The following NEO1 variants were observed in gnomAD, a reference collection of about 807,000 sequenced individuals.
The protein encoded by NEO1 is neogenin 1, also known as neogenin.
Under a neutral mutation model 159.7 loss-of-function variants are expected in NEO1, and 63 were observed. The ratio of observed to expected loss-of-function variants is 0.39; its 90% CI spans 0.32 to 0.49. The LOEUF is 0.49. NEO1 is among the 20% of genes least tolerant of loss of function. The pLI, the probability that NEO1 is intolerant of heterozygous loss-of-function variation, is 0.85. For synonymous variants in NEO1, 633 were observed against 662.0 expected, an observed-to-expected ratio of 0.96 and a Z score of 0.67; for missense variants, 1,615 against 1,831.0, an observed-to-expected ratio of 0.88 and a Z score of 2.15.
At chr15:73,232,743 C>A (rs1036457977) in intron 7 of NEO1, among the ~76,000 whole-genome samples, 2 of 152,164 alleles carry the variant, frequency 1.3e-5, no homozygotes, top group African/African-American at 4.8e-5. Context: ...GATACAACCT[C>A]AGGCCAGCAG....
intron 5 of NEO1, among the ~76,000 whole-genome samples, chr15:73,157,101 C>CT (rs2151864414): frequency 6.6e-6 from 1 of 152,286 alleles, no homozygotes; most frequent in East Asian, 1.9e-4. Flanking sequence ...TGGCAGTGTT[C>CT]TGCAACTCAG....
chr15:73,102,046 A>G (rs13329282), intron 1 of NEO1, among the ~76,000 whole-genome samples: 17,784 of 152,092 alleles, frequency 0.12, 1,479 homozygotes, highest in African/African-American at 0.23. Flanking sequence ...GTAACATCTC[A>G]GGCCCCATCC....
chr15:73,293,028 T>A (rs1217114185), intron 25 of NEO1, among the ~76,000 whole-genome samples: 2 of 152,214 alleles, frequency 1.3e-5, no homozygotes, highest in Admixed American at 1.3e-4. Flanking sequence ...AATAGATACT[T>A]GTAATAACTC....
chr15:73,077,110 C>G (rs564298151), intron 1 of NEO1, among the ~76,000 whole-genome samples: 17 of 152,250 alleles, frequency 1.1e-4, no homozygotes, highest in Admixed American at 3.3e-4. Flanking sequence ...GTGACATGAT[C>G]TCAGCTCCCC....
intron 8 of NEO1, among the ~76,000 whole-genome samples, chr15:73,242,874 G>A (rs1389332485): frequency 1.3e-5 from 2 of 152,114 alleles, no homozygotes; most frequent in East Asian, 1.9e-4. Context: ...AGGCGCACTC[G>A]GTGTAACTTC....
intron 1 of NEO1, among the ~76,000 whole-genome samples, chr15:73,087,737 T>G (rs1198014484): frequency 6.6e-6 from 1 of 152,172 alleles, no homozygotes; most frequent in East Asian, 1.9e-4. Flanking sequence ...TTATTAATAT[T>G]TTGGAATTCT....
chr15:73,174,342 A>T (rs887532449), intron 5 of NEO1, among the ~76,000 whole-genome samples: 1 of 152,158 alleles, frequency 6.6e-6, no homozygotes, highest in African/African-American at 2.4e-5. Flanking sequence ...GGGAGGCCTC[A>T]GAGCTGGTGT....
chr15:73,088,081 A>G (rs2069463934), intron 1 of NEO1, among the ~76,000 whole-genome samples: 1 of 152,064 alleles, frequency 6.6e-6, no homozygotes, highest in Non-Finnish European at 1.5e-5. Context: ...TTACTCTAAA[A>G]TAGGTACCTT....
chr15:73,122,259 G>A (rs1341296817), intron 2 of NEO1, among the ~76,000 whole-genome samples: 1 of 151,426 alleles, frequency 6.6e-6, no homozygotes, highest in Non-Finnish European at 1.5e-5. Flanking sequence ...TTCTAGACCA[G>A]TACCATAGGA....
chr15:73,095,198 ACT>A (rs1307628999), intron 1 of NEO1, among the ~76,000 whole-genome samples: 5 of 144,128 alleles, frequency 3.5e-5, no homozygotes, highest in Admixed American at 1.4e-4. Flanking sequence ...ACAGAGTGAG[ACT>A]CTGTCTTAAA....
rs1362280415 is a variant in NEO1, at chr15:73,302,770, T to C, written c.*74T>C. On this transcript the variant is annotated 3_prime_UTR_variant, in exon 29 of 29. Coordinates refer to ENST00000261908, the MANE Select transcript of NEO1 (RefSeq NM_002499.4). ...ACTTACCCTTGAAAACAAGGAATTGTACAGAGTACGAGAGGACAGCACTTG... is the reference window on the plus strand; with the variant it reads ...ACTTACCCTTGAAAACAAGGAATTGCACAGAGTACGAGAGGACAGCACTTG... The C allele has an allele frequency of 1.5e-6, 2 of 1,370,206 alleles. No homozygotes were observed. The highest frequency in any genetic ancestry group is 1.9e-5 in the Admixed American group (1 of 53,990). The allele number at this position is 1,370,206 out of a possible 1,614,324, so 84.9% of individuals were successfully genotyped here.
intron 18 of NEO1, among the ~76,000 whole-genome samples, chr15:73,272,043 C>T (rs370382368): frequency 9.2e-5 from 14 of 152,150 alleles, no homozygotes; most frequent in African/African-American, 2.9e-4. Context: ...GGACGAATTA[C>T]ATAACTTCTC....
intron 1 of NEO1, among the ~76,000 whole-genome samples, chr15:73,084,046 A>T (rs900276198): frequency 1.3e-5 from 2 of 152,172 alleles, no homozygotes; most frequent in Non-Finnish European, 2.9e-5. Flanking sequence ...GTTTTAAAAT[A>T]TATAGGGATT....
In NEO1 at chr15:73,272,571, C is replaced by T. The variant is rs777054329; in HGVS notation, c.2965+9C>T. 3.2e-6 allele frequency: 5 copies of T among 1,559,876 alleles called. No individual in the cohort carries two copies. The Admixed American group carries it at 8.4e-5, about 26-fold the overall frequency. On this transcript the variant is annotated intron_variant, in intron 19 of 28. Transcript: ENST00000261908. The stretch of plus-strand genomic sequence containing the variant: ...CAATGGCAAAATTACAGGTAAAATG[C>T]AATCAAGTGTGCATTTCTTTGTGCG...
At chr15:73,071,332 T>C (rs2068521954) in intron 1 of NEO1, among the ~76,000 whole-genome samples, 1 of 152,174 alleles carries the variant, frequency 6.6e-6, no homozygotes, top group Non-Finnish European at 1.5e-5. Context: ...GAAATCTGAA[T>C]TTTGAGAAGC....
At chr15:73,249,757 T>G in intron 11 of NEO1, 36 bp downstream of exon 11, 1 of 1,583,232 alleles carries the variant, frequency 6.3e-7, no homozygotes, top group South Asian at 1.2e-5. Context: ...TATACCACAC[T>G]TGGTGCCCCT....
At chr15:73,067,987 A>G (rs1030669941) in intron 1 of NEO1, among the ~76,000 whole-genome samples, 4 of 152,096 alleles carry the variant, frequency 2.6e-5, no homozygotes, top group Admixed American at 6.5e-5. Context: ...AAGAAGAGAA[A>G]GTTTTAGATT....
In NEO1 at chr15:73,135,981, T is replaced by C; in HGVS notation, c.969T>C (p.Asp323=). ...CTGGGACTTATTTTTGTATAGCTGA[T>C]AATGGAAATGAGACAATTGAAGCTC... ...DDAGTYFCIA[D]NGNETIEAQA... is the part of the protein sequence containing the mutation. Residue 323 remains aspartate, a synonymous_variant, in exon 5 of 29, where the codon GAT becomes GAC. Transcript: ENST00000261908. The C allele has an allele frequency of 6.2e-7, 1 of 1,611,678 alleles. No homozygotes were observed. Among genetic ancestry groups the C allele is most frequent in the African/African-American group, 1.3e-5 (1 of 74,788 alleles).
At chr15:73,302,586 C>T in intron 28 of NEO1, 27 bp from the exon 29 acceptor site, 1 of 1,604,550 alleles carries the variant, frequency 6.2e-7, no homozygotes, top group Middle Eastern at 1.7e-4. Context: ...TGGATCCAGC[C>T]CAGTAACAGT....
Sources: gnomAD v4.1 joint callset for allele counts (sites outside exome capture counted in the v4.1 genomes callset) on GRCh38, gnomAD v4.1.1 for gene constraint, MANE v1.5 for transcripts, NCBI Gene and HGNC (gene_info 2026-07-23, HGNC 2026-07-21) for gene names.